The following GAD2 variants were observed in gnomAD, a reference collection of about 807,000 sequenced individuals.
The protein encoded by GAD2 is 65 kDa glutamic acid decarboxylase.
GAD2 carries 22 observed loss-of-function variants against 80.1 expected under a neutral mutation model. The ratio of observed to expected loss-of-function variants is 0.27; its 90% CI spans 0.20 to 0.39. GAD2 has a LOEUF of 0.39. Ranked by LOEUF, GAD2 falls within the 10% of genes least tolerant of loss-of-function variation. GAD2 has a pLI of 1.00. For synonymous variants in GAD2, 274 were observed against 256.9 expected (o/e 1.07, Z -0.64); for missense variants, 624 against 738.4 (o/e 0.85, Z 1.80).
intron 8 of GAD2, among the ~76,000 whole-genome samples, chr10:26,265,146 C>T (rs116871845): frequency 0.015 from 2,222 of 151,312 alleles, 29 homozygotes; most frequent in Non-Finnish European, 0.023. Context: ...ACCTGTTGTT[C>T]TTCCTGGGAT....
chr10:26,225,040 G>A (rs1030688439), intron 6 of GAD2, among the ~76,000 whole-genome samples: 1 of 152,016 alleles, frequency 6.6e-6, no homozygotes, highest in Non-Finnish European at 1.5e-5. Context: ...TAAAGCATTT[G>A]CTGTTCAAGG....
intron 9 of GAD2, 101 bp from the exon 10 acceptor site, chr10:26,270,539 G>T: frequency 1.2e-6 from 1 of 845,298 alleles, no homozygotes; most frequent in Non-Finnish European, 2.0e-6. Context: ...CTCAAATTCA[G>T]ACGTGTCTGT....
chr10:26,282,812 T>G (rs937251232), intron 12 of GAD2, among the ~76,000 whole-genome samples: 23 of 152,214 alleles, frequency 1.5e-4, no homozygotes, highest in Middle Eastern at 3.2e-3. Flanking sequence ...ACGCCTTCTG[T>G]GTCTTCATCA....
At chr10:26,218,187 C>G (rs941495918) in intron 3 of GAD2, 196 bp downstream of exon 3, 19 of 540,630 alleles carry the variant, frequency 3.5e-5, no homozygotes, top group Non-Finnish European at 3.1e-6. Flanking sequence ...AACCTGGCCT[C>G]GGAGCTCCAA....
intron 7 of GAD2, among the ~76,000 whole-genome samples, chr10:26,242,863 T>C (rs1348604921): frequency 6.6e-6 from 1 of 152,090 alleles, no homozygotes; most frequent in African/African-American, 2.4e-5. Flanking sequence ...TTATCCCCAG[T>C]TCGCCTTTTT....
At position 26,300,937 on chromosome 10, in the gene GAD2, A is replaced by G; in HGVS notation, c.1734A>G (p.Ile578Met). 1.2e-6 allele frequency: 2 copies of G among 1,614,006 alleles called. No individual in the cohort carries two copies. Among genetic ancestry groups the G allele is most frequent in the Non-Finnish European group, 1.7e-6 (2 of 1,179,862 alleles). The change falls in exon 16 of 16, where the codon ATA becomes ATG. Residue 578 changes from isoleucine to methionine, a missense_variant. Ile to Met is a conservative substitution (Grantham distance 10). Coordinates refer to ENST00000376261, the MANE Select transcript of GAD2 (RefSeq NM_001134366.2). ...HQDIDFLIEE[I>M]ERLGQDL is the part of the protein sequence containing the mutation. ...ACATTGACTTCCTGATTGAAGAAAT[A>G]GAACGCCTTGGACAAGATTTATAAT...
chr10:26,255,922 G>A (rs1373211927), intron 8 of GAD2, among the ~76,000 whole-genome samples: 1 of 149,776 alleles, frequency 6.7e-6, no homozygotes, highest in Non-Finnish European at 1.5e-5. Context: ...GGATGGGGAG[G>A]AAGGAGGGGA....
At chr10:26,292,752 G>A (rs777062508) in intron 14 of GAD2, 150 bp from the exon 15 acceptor site, 27 of 856,702 alleles carry the variant, frequency 3.2e-5, no homozygotes, top group African/African-American at 1.2e-4. Context: ...TCCATATAAC[G>A]TTGTCAAAAT....
In GAD2 at chr10:26,217,036, C is replaced by T. The variant is rs894278428; in HGVS notation, c.76+151C>T. ...GCTTTTGGGCTAAGTCCTTGACGGC[C>T]CAAGAGCTCAAGACCTCTACAGCCT... On this transcript the variant is annotated intron_variant, in intron 1 of 15. Transcript: ENST00000376261. The surrounding 1 kb of genome is among the most constrained non-coding windows in gnomAD (Gnocchi z 4.9). The T allele has an allele frequency of 5.3e-5, 34 of 639,756 alleles. No homozygotes were observed. Among genetic ancestry groups the T allele is most frequent in the Middle Eastern group, 5.4e-4 (2 of 3,674 alleles). 39.6% of individuals were successfully genotyped at this position (639,756 alleles called of 1,614,324 possible). A position where few individuals can be genotyped will look rare whatever the true frequency, so the allele number is the denominator to read the frequency against.
intron 7 of GAD2, among the ~76,000 whole-genome samples, chr10:26,237,096 G>A (rs574265294): frequency 5.6e-4 from 85 of 152,262 alleles, no homozygotes; most frequent in Non-Finnish European, 8.1e-4. Flanking sequence ...GGCGCCAGGC[G>A]TTGCTTCTGG....
chr10:26,281,558 G>A (rs767389365), intron 12 of GAD2, among the ~76,000 whole-genome samples: 68 of 152,098 alleles, frequency 4.5e-4, no homozygotes, highest in Non-Finnish European at 8.8e-4. Context: ...TGATTAATCT[G>A]TAATCTCTGA....
In GAD2 at chr10:26,292,994, C is replaced by A; in HGVS notation, c.1584+3C>A. The A allele has an allele frequency of 6.2e-7, 1 of 1,608,884 alleles. No homozygotes were observed. The highest frequency in any genetic ancestry group is 8.5e-7 in the Non-Finnish European group (1 of 1,175,918). On this transcript the variant is annotated splice_donor_region_variant and intron_variant, in intron 15 of 15. Coordinates refer to ENST00000376261, the MANE Select transcript of GAD2 (RefSeq NM_001134366.2). Reference sequence around the variant, plus strand: ...AGAGAATGAGTCGCCTCTCGAAGGTCAGTGCTCCAAGCTCCTCTGATACAT... The same window carrying A: ...AGAGAATGAGTCGCCTCTCGAAGGTAAGTGCTCCAAGCTCCTCTGATACAT...
upstream of GAD2, chr10:26,216,409 T>C (rs901081457): frequency 1.3e-5 from 2 of 159,454 alleles, no homozygotes; most frequent in African/African-American, 4.8e-5. This position sits in a 1 kb window ranked among gnomAD's most constrained non-coding sequence, Gnocchi z 4.7. Flanking sequence ...CTGCCTCGCA[T>C]CCTCACGACT....
intron 15 of GAD2, among the ~76,000 whole-genome samples, chr10:26,298,497 G>A (rs537247155): frequency 6.6e-6 from 1 of 152,232 alleles, no homozygotes; most frequent in Admixed American, 6.5e-5. Context: ...GCCCAAATCT[G>A]TTTGCTTGTG....
At chr10:26,226,628 T>C (rs111494566) in intron 6 of GAD2, among the ~76,000 whole-genome samples, 17 of 152,184 alleles carry the variant, frequency 1.1e-4, no homozygotes, top group African/African-American at 4.1e-4. Context: ...GGTCTTACAA[T>C]TTAAGGGGTG....
Position 26,246,087 on chromosome 10 carries a change from C to T in GAD2, c.920+87C>T, listed in dbSNP as rs917725305. On this transcript the variant is annotated intron_variant, in intron 8 of 15. Coordinates refer to ENST00000376261, the MANE Select transcript of GAD2 (RefSeq NM_001134366.2). ...TTTTGGTCTGAAAATAGGAGAGGAC[C>T]ACGGGGCAGCAAGTCCACCTCCCTC... is the stretch of plus-strand genomic sequence containing the variant. 3.9e-6 allele frequency: 4 copies of T among 1,027,720 alleles called. No homozygotes were observed. The Admixed American group carries it at 6.4e-5, about 16-fold the overall frequency. The allele number at this position is 1,027,720 out of a possible 1,614,324, so 63.7% of individuals were successfully genotyped here. A position where few individuals can be genotyped will look rare whatever the true frequency, so the allele number is the denominator to read the frequency against.
At position 26,286,002 on chromosome 10, in the gene GAD2, G is replaced by A. The variant is rs8190768; in HGVS notation, c.1237-343G>A. 3.1e-3 allele frequency among the ~76,000 whole-genome samples: 477 copies of A among 152,120 alleles called. 5 individuals are homozygous for A. Among genetic ancestry groups the A allele is most frequent in the African/African-American group, 0.011 (448 of 41,508 alleles). On this transcript the variant is annotated intron_variant, in intron 12 of 15. Coordinates refer to ENST00000376261, the MANE Select transcript of GAD2 (RefSeq NM_001134366.2). ...ATAGTAGGATATTCTCCCAAAGAAG[G>A]GGAACATTTAAATATAAATATATGC...
chr10:26,295,092 T>C (rs1170420216), intron 15 of GAD2, among the ~76,000 whole-genome samples: 3 of 152,192 alleles, frequency 2.0e-5, no homozygotes, highest in South Asian at 4.2e-4. Flanking sequence ...CTTTTTTTTT[T>C]CATCATTTTC....
chr10:26,223,338 A>G (rs1034721120), intron 4 of GAD2, among the ~76,000 whole-genome samples: 5 of 152,114 alleles, frequency 3.3e-5, no homozygotes, highest in Non-Finnish European at 5.9e-5. Flanking sequence ...AGAGTGTCCT[A>G]TTTTCTCATT....
Sources: gnomAD v4.1 joint callset for allele counts (sites outside exome capture counted in the v4.1 genomes callset) on GRCh38, gnomAD v4.1.1 for gene constraint, Gnocchi (gnomAD v3.1) non-coding constraint, MANE v1.5 for transcripts, NCBI Gene and HGNC (gene_info 2026-07-23, HGNC 2026-07-21) for gene names.